The following CAP2 variants were observed in gnomAD, a reference collection of about 807,000 sequenced individuals.
CAP2 encodes the protein cyclase associated actin cytoskeleton regulatory protein 2, also known as adenylyl cyclase-associated protein 2.
A neutral mutation model predicts 57.7 loss-of-function variants in CAP2; 24 were observed. That is an observed-to-expected ratio of 0.42 (90% CI 0.30 to 0.58). CAP2 has a LOEUF of 0.58. Among genes scored for constraint, CAP2 ranks in the 20% least tolerant of loss-of-function variants. The pLI, the probability that CAP2 is intolerant of heterozygous loss-of-function variation, is 0.22. For missense variants in CAP2, 501 were observed against 590.3 expected, an observed-to-expected ratio of 0.85 and a Z score of 1.57; for synonymous variants, 194 against 207.2, an observed-to-expected ratio of 0.94 and a Z score of 0.55.
chr6:17,417,092 G>C (rs1759298166), intron 1 of CAP2, among the ~76,000 whole-genome samples: 1 of 151,152 alleles, frequency 6.6e-6, no homozygotes, highest in African/African-American at 2.4e-5. Flanking sequence ...GTGAGACTCT[G>C]TCTCAAAACA....
chr6:17,552,244 G>A (rs1024005717), intron 12 of CAP2, among the ~76,000 whole-genome samples: 4 of 152,128 alleles, frequency 2.6e-5, no homozygotes, highest in Admixed American at 2.6e-4. Context: ...CTTTCTCAAA[G>A]AACCATACAC....
rs1763328135 is a variant in CAP2 at position 17,556,975 on chromosome 6, G to A, written c.*533G>A. 8.6e-6 allele frequency: 1 copy of A among 116,362 alleles called. No homozygotes were observed. The highest frequency in any genetic ancestry group is 3.1e-4 in the South Asian group (1 of 3,278). The allele number at this position is 116,362 out of a possible 1,614,324, so 7.2% of individuals were successfully genotyped here. A position where few individuals can be genotyped will look rare whatever the true frequency, so the allele number is the denominator to read the frequency against. ...TGAGTACATATTTCAACCCACGCTT[G>A]TAAAAGACATAAGAGTTTATAAAGG... On this transcript the variant is annotated 3_prime_UTR_variant, in exon 13 of 13. Transcript: ENST00000229922.
At chr6:17,474,385 A>G (rs1761097739) in intron 4 of CAP2, among the ~76,000 whole-genome samples, 1 of 151,718 alleles carries the variant, frequency 6.6e-6, no homozygotes. Flanking sequence ...GTGTTTCCAT[A>G]TCTGGAATCG....
chr6:17,402,941 C>G (rs1318677059), intron 1 of CAP2, among the ~76,000 whole-genome samples: 1 of 152,102 alleles, frequency 6.6e-6, no homozygotes, highest in Non-Finnish European at 1.5e-5. Context: ...TATTTCACTA[C>G]CATGTGATGT....
chr6:17,521,894 A>G lies in CAP2; in HGVS notation c.636+7940A>G, dbSNP rs552901598. On this transcript the variant is annotated intron_variant, in intron 7 of 12. Coordinates refer to ENST00000229922, the MANE Select transcript of CAP2 (RefSeq NM_006366.3). ...GAGGCTGAGGCGGGTAGATCACCTA[A>G]GGTCAGGAGTTCGAGACCAGTGTTG... 1.2e-3 allele frequency among the ~76,000 whole-genome samples: 185 copies of G among 152,250 alleles called. 4 individuals are homozygous for G. The highest frequency in any genetic ancestry group is 0.012 in the Admixed American group (178 of 15,292).
intron 4 of CAP2, among the ~76,000 whole-genome samples, chr6:17,467,630 T>C (rs1423688990): frequency 2.6e-5 from 4 of 152,092 alleles, no homozygotes; most frequent in African/African-American, 4.8e-5. Flanking sequence ...TTCAAGCAAT[T>C]CTCCTGCCTC....
intron 1 of CAP2, among the ~76,000 whole-genome samples, chr6:17,409,098 G>A (rs181869033): frequency 4.2e-4 from 62 of 149,306 alleles, no homozygotes; most frequent in African/African-American, 1.4e-3. Context: ...GAGGCTGGGC[G>A]TGGTGGCTCA....
At chr6:17,448,072 C>G (rs9465037) in intron 3 of CAP2, among the ~76,000 whole-genome samples, 90,633 of 152,150 alleles carry the variant, frequency 0.6, 27,861 homozygotes, top group East Asian at 0.87. Flanking sequence ...TTCTATGTGG[C>G]GCCACAAGGC....
rs569848406 is a variant in CAP2 at position 17,485,187 on chromosome 6, G to A, written c.301-21982G>A. ...AGTCCTGTTATAAACAGTACTGATG[G>A]CATTTTATGTGAATATTTATGAGGG... is the stretch of plus-strand genomic sequence containing the variant. On this transcript the variant is annotated intron_variant, in intron 4 of 12. Transcript: ENST00000229922. Among the ~76,000 whole-genome samples the A allele has an allele frequency of 1.3e-4, 20 of 152,136 alleles. No individual in the cohort carries two copies. In the South Asian group the frequency reaches 4.0e-3, roughly 30 times the overall value.
chr6:17,479,368 A>C (rs898582919), intron 4 of CAP2, among the ~76,000 whole-genome samples: 2 of 152,100 alleles, frequency 1.3e-5, no homozygotes, highest in African/African-American at 2.4e-5. Flanking sequence ...CCTCACATCC[A>C]GCTGATCTCT....
chr6:17,454,101 G>T (rs766844717), intron 3 of CAP2, among the ~76,000 whole-genome samples: 1 of 151,218 alleles, frequency 6.6e-6, no homozygotes, highest in Non-Finnish European at 1.5e-5. Context: ...ATAGAGACAG[G>T]GTTTTACCAT....
chr6:17,516,887 T>C (rs571092631), intron 7 of CAP2, among the ~76,000 whole-genome samples: 1 of 152,372 alleles, frequency 6.6e-6, no homozygotes, highest in Middle Eastern at 3.4e-3. Flanking sequence ...CTACTTCGCC[T>C]ATTTTCTCCA....
At position 17,421,575 on chromosome 6, in the gene CAP2, T is replaced by G; in HGVS notation, c.20T>G (p.Leu7Arg). The G allele has an allele frequency of 6.2e-7, 1 of 1,614,198 alleles. No individual in the cohort carries two copies. Among genetic ancestry groups the G allele is most frequent in the Non-Finnish European group, 8.5e-7 (1 of 1,180,022 alleles). Residue 7 changes from leucine to arginine, a missense_variant, in exon 2 of 13, where the codon CTG (leucine) becomes CGG (arginine). Coordinates refer to ENST00000229922, the MANE Select transcript of CAP2 (RefSeq NM_006366.3). ...TCTAGAATGGCCAACATGCAGGGAC[T>G]GGTGGAAAGACTGGAACGAGCTGTC... MANMQG[L>R]VERLERAVSR...
chr6:17,479,586 G>A (rs1222321731), intron 4 of CAP2, among the ~76,000 whole-genome samples: 1 of 150,154 alleles, frequency 6.7e-6, no homozygotes, highest in Non-Finnish European at 1.5e-5. Flanking sequence ...AAAGGAAGAA[G>A]AGAAAAAGAT....
intron 7 of CAP2, among the ~76,000 whole-genome samples, chr6:17,532,134 C>CTTTTT (rs35428314): frequency 1.2e-4 from 10 of 85,994 alleles, no homozygotes; most frequent in Non-Finnish European, 1.5e-4. Flanking sequence ...GTTTGAAAAT[C>CTTTTT]TTTTTTTTTT....
rs560631951 is a variant in CAP2, at chr6:17,468,828, G to A, written c.300+5755G>A. On this transcript the variant is annotated intron_variant, in intron 4 of 12. Transcript: ENST00000229922. ...AGTATGTTATTTCTAGTTCTCAAAC[G>A]TAAAAAACAATATTCAGTGATACAT... Among the ~76,000 whole-genome samples, 58 of 152,272 alleles carry A rather than the reference G, an allele frequency of 3.8e-4. 2 individuals carry two copies. The South Asian group carries it at 0.01, about 27-fold the overall frequency.
At chr6:17,406,413 T>TTTTTTTTTTTTTTTTTTTTTTTTGG (rs1156614515) in intron 1 of CAP2, among the ~76,000 whole-genome samples, 1 of 144,246 alleles carries the variant, frequency 6.9e-6, no homozygotes, top group African/African-American at 2.8e-5. Context: ...TTTTTTTTTT[T>TTTTTTTTTTTTTTTTTTTTTTTTGG]GAGGCAGTCT....
At chr6:17,397,207 G>T (rs13208026) in intron 1 of CAP2, among the ~76,000 whole-genome samples, 37,770 of 151,506 alleles carry the variant, frequency 0.25, 4,855 homozygotes, top group South Asian at 0.35. Context: ...TTACAGACGC[G>T]GGCCACCATG....
chr6:17,508,986 A>T (rs1211387771), intron 6 of CAP2, among the ~76,000 whole-genome samples: 2 of 151,790 alleles, frequency 1.3e-5, no homozygotes, highest in African/African-American at 4.8e-5. Context: ...CAATCTCTTG[A>T]CCTCGTGATC....
Sources: gnomAD v4.1 joint callset for allele counts (sites outside exome capture counted in the v4.1 genomes callset) on GRCh38, gnomAD v4.1.1 for gene constraint, MANE v1.5 for transcripts, NCBI Gene and HGNC (gene_info 2026-07-23, HGNC 2026-07-21) for gene names.